The following SSH2 variants were observed in gnomAD, a reference collection of about 807,000 sequenced individuals.
The protein encoded by SSH2 is protein phosphatase Slingshot homolog 2.
Under a neutral mutation model 135.2 loss-of-function variants are expected in SSH2, and 37 were observed. The ratio of observed to expected loss-of-function variants is 0.27; its 90% CI spans 0.21 to 0.36. The LOEUF is 0.36. SSH2 is among the 10% of genes least tolerant of loss of function. The pLI, the probability that SSH2 is intolerant of heterozygous loss-of-function variation, is 1.00. For synonymous variants in SSH2, 628 were observed against 646.2 expected, an observed-to-expected ratio of 0.97 and a Z score of 0.43; for missense variants, 1,408 against 1,765.3, an observed-to-expected ratio of 0.80 and a Z score of 3.63.
chr17:29,696,160 A>T (rs1215657493), intron 4 of SSH2, among the ~76,000 whole-genome samples: 1 of 137,930 alleles, frequency 7.3e-6, no homozygotes, highest in Non-Finnish European at 1.5e-5. Context: ...TTATAATGAG[A>T]GTATGTATAT....
intron 3 of SSH2, chr17:29,760,993 G>C (rs1405137392): frequency 2.9e-6 from 2 of 678,770 alleles, no homozygotes; most frequent in East Asian, 1.7e-4. Context: ...TTCTACCCCA[G>C]CATCCTTCCC....
intron 9 of SSH2, 24 bp downstream of exon 9, chr17:29,671,911 A>T: frequency 6.3e-7 from 1 of 1,599,748 alleles, no homozygotes; most frequent in Non-Finnish European, 8.5e-7. Flanking sequence ...GAGAACTTCC[A>T]TAATCCTTAG....
Position 29,648,255 on chromosome 17 carries a change from C to A in SSH2, c.1316G>T (p.Gly439Val). ...TVIAYAMKEY[G>V]WNLDRAYDYV... ...GTCATAGGCTCGGTCCAGATTCCAG[C>A]CATATTCCTTCATTGCATAGGCAAT... is the stretch of plus-strand genomic sequence containing the variant. The change falls in exon 14 of 16, where the codon GGC (glycine) becomes GTC (valine). Residue 439 changes from glycine to valine, a missense_variant. By Grantham distance (109) the Gly-to-Val change is moderately radical. This residue lies in a region of SSH2 where 106 missense variants were observed against 265.2 expected (regional missense o/e 0.40). Coordinates refer to ENST00000540801, the MANE Select transcript of SSH2 (RefSeq NM_001282129.2). 6.2e-7 allele frequency: 1 copy of A among 1,614,190 alleles called. No individual in the cohort carries two copies. The highest frequency in any genetic ancestry group is 8.5e-7 in the Non-Finnish European group (1 of 1,180,044).
chr17:29,673,390 T>C (rs1438365497), intron 8 of SSH2, among the ~76,000 whole-genome samples: 1 of 151,858 alleles, frequency 6.6e-6, no homozygotes, highest in Non-Finnish European at 1.5e-5. Flanking sequence ...ACCAACATGG[T>C]GAAACCCCAT....
chr17:29,656,981 CT>C (rs888086704), intron 11 of SSH2, among the ~76,000 whole-genome samples: 13 of 151,996 alleles, frequency 8.6e-5, no homozygotes, highest in East Asian at 1.9e-4. Context: ...TCTAGCTACA[CT>C]TTTTTTTCTT....
chr17:29,727,120 C>T (rs926198631), intron 3 of SSH2, among the ~76,000 whole-genome samples: 3 of 152,190 alleles, frequency 2.0e-5, no homozygotes, highest in African/African-American at 7.2e-5. Flanking sequence ...GGACTTCCTT[C>T]CTTATCCCCC....
intron 5 of SSH2, among the ~76,000 whole-genome samples, chr17:29,691,497 T>C (rs1362211333): frequency 3.4e-3 from 4 of 1,176 alleles, no homozygotes; most frequent in Non-Finnish European, 0.03. Flanking sequence ...TTTTCTCTCT[T>C]TTTTTTTTTT....
chr17:29,718,711 C>T (rs71371129), intron 3 of SSH2, among the ~76,000 whole-genome samples: 3,721 of 111,258 alleles, frequency 0.033, 90 homozygotes, highest in East Asian at 0.065. Context: ...CTAGACTGGG[C>T]GACAAAGCAA....
intron 8 of SSH2, among the ~76,000 whole-genome samples, chr17:29,673,127 A>G (rs1019850819): frequency 6.6e-6 from 1 of 152,208 alleles, no homozygotes; most frequent in African/African-American, 2.4e-5. Context: ...AGCTTAAGGT[A>G]GAAATACTAG....
intron 1 of SSH2, among the ~76,000 whole-genome samples, chr17:29,906,437 C>G (rs1408236975): frequency 1.3e-5 from 2 of 152,158 alleles, no homozygotes; most frequent in African/African-American, 4.8e-5. Flanking sequence ...CAATACCATT[C>G]AGGATATAGG....
chr17:29,893,504 A>G (rs926161784), intron 1 of SSH2, among the ~76,000 whole-genome samples: 2 of 152,134 alleles, frequency 1.3e-5, no homozygotes, highest in African/African-American at 4.8e-5. Flanking sequence ...ATATGAGGAC[A>G]CCACATTTGT....
At chr17:29,796,004 G>A (rs1312849963) in intron 2 of SSH2, among the ~76,000 whole-genome samples, 4 of 152,072 alleles carry the variant, frequency 2.6e-5, no homozygotes, top group African/African-American at 9.7e-5. Context: ...CGGCCTCCCA[G>A]AGTGCTGGGA....
chr17:29,856,912 AATAAC>A (rs1372086118), intron 1 of SSH2, among the ~76,000 whole-genome samples: 1 of 152,206 alleles, frequency 6.6e-6, no homozygotes, highest in African/African-American at 2.4e-5. Flanking sequence ...TAACATAAAA[AATAAC>A]ATAACATAAA....
chr17:29,645,156 A>G (rs1450558256), intron 14 of SSH2: 1 of 152,212 alleles, frequency 6.6e-6, no homozygotes, highest in South Asian at 2.1e-4. Context: ...ATAAACATTC[A>G]AACACATTTT....
intron 3 of SSH2, among the ~76,000 whole-genome samples, chr17:29,786,015 A>G (rs1404281549): frequency 6.6e-6 from 1 of 151,646 alleles, no homozygotes; most frequent in Non-Finnish European, 1.5e-5. Context: ...CGTGTCAGCC[A>G]GGATGGTCTT....
At chr17:29,671,893 A>G (rs200479905) in intron 9 of SSH2, 42 bp downstream of exon 9, 15 of 1,547,418 alleles carry the variant, frequency 9.7e-6, no homozygotes, top group Non-Finnish European at 1.3e-5. Flanking sequence ...TCCTCAGGAC[A>G]TAATGGAGAG....
chr17:29,707,078 G>A (rs944858758), intron 3 of SSH2: 18 of 152,126 alleles, frequency 1.2e-4, no homozygotes, highest in African/African-American at 3.4e-4. Flanking sequence ...GCGTGAACCC[G>A]GGAGGCGGAG....
At chr17:29,810,799 A>G (rs1599030394) in intron 2 of SSH2, among the ~76,000 whole-genome samples, 1 of 152,266 alleles carries the variant, frequency 6.6e-6, no homozygotes, top group East Asian at 1.9e-4. Context: ...TAGTCTTCCA[A>G]ATGACTTTGT....
chr17:29,762,935 ACTT>A (rs1024108772), intron 3 of SSH2, among the ~76,000 whole-genome samples: 2 of 152,208 alleles, frequency 1.3e-5, no homozygotes, highest in Admixed American at 1.3e-4. Context: ...ATTTCTAAAA[ACTT>A]CACTAACCAA....
Sources: allele counts gnomAD v4.1 joint callset (sites outside exome capture counted in the v4.1 genomes callset), GRCh38; gene constraint gnomAD v4.1.1; regional missense constraint gnomAD v4.1.1; transcripts MANE v1.5; gene names NCBI Gene and HGNC (gene_info 2026-07-23, HGNC 2026-07-21).